Variants in MAP4K3 observed in about 807,000 individuals in gnomAD.
MAP4K3 encodes mitogen-activated protein kinase kinase kinase kinase 3, also known as MAPK/ERK kinase kinase kinase 3.
In MAP4K3, 94 loss-of-function variants were observed where a neutral mutation model predicts 143.5. That is an observed-to-expected ratio of 0.65 (90% CI 0.55 to 0.78). The LOEUF is 0.78. MAP4K3 is among the 30% of genes least tolerant of loss of function. The probability of loss-of-function intolerance (pLI) is 0.00; values close to 1 mark genes in which losing one functional copy is unlikely to be tolerated. For missense variants in MAP4K3, 1,077 were observed against 1,068.1 expected (o/e 1.01, Z -0.12); for synonymous variants, 416 against 347.2 (o/e 1.20, Z -2.20).
At chr2:39,392,058 G>A (rs180992328) in intron 1 of MAP4K3, among the ~76,000 whole-genome samples, 16 of 151,696 alleles carry the variant, frequency 1.1e-4, no homozygotes, top group East Asian at 3.9e-4. Context: ...GGTAGCGCGC[G>A]CCTGTAGTCC....
At position 39,253,171 on chromosome 2, in the gene MAP4K3, C is replaced by T. The variant is rs1032774652; in HGVS notation, c.2541+1279G>A. Among the ~76,000 whole-genome samples the T allele has an allele frequency of 2.0e-5, 3 of 152,100 alleles. No individual in the cohort carries two copies. In the South Asian group the frequency reaches 6.2e-4, roughly 32 times the overall value. ...GGAGGGGGACGGAGTCTTGTTCTGTCGCCAGGCTGGAGTACAGTGACGCGA... is the reference window on the plus strand; with the variant it reads ...GGAGGGGGACGGAGTCTTGTTCTGTTGCCAGGCTGGAGTACAGTGACGCGA... On this transcript the variant is annotated intron_variant, in intron 32 of 33. Coordinates refer to ENST00000263881, the MANE Select transcript of MAP4K3 (RefSeq NM_003618.4).
At chr2:39,402,548 G>A (rs1044265332) in intron 1 of MAP4K3, among the ~76,000 whole-genome samples, 1 of 151,904 alleles carries the variant, frequency 6.6e-6, no homozygotes, top group Non-Finnish European at 1.5e-5. Flanking sequence ...AAAAAGAAAG[G>A]AAACAGGAAA....
chr2:39,351,598 T>C (rs547138751), intron 3 of MAP4K3, among the ~76,000 whole-genome samples: 1 of 152,360 alleles, frequency 6.6e-6, no homozygotes, highest in East Asian at 1.9e-4. Flanking sequence ...ATGGTGGTGA[T>C]TTACTTATTT....
chr2:39,414,689 C>T (rs993958764), intron 1 of MAP4K3, among the ~76,000 whole-genome samples: 6 of 152,120 alleles, frequency 3.9e-5, no homozygotes, highest in Non-Finnish European at 5.9e-5. Context: ...TCCTGGCTAA[C>T]ACGGTGAAAC....
At chr2:39,395,171 TG>T (rs1666770998) in intron 1 of MAP4K3, among the ~76,000 whole-genome samples, 1 of 152,144 alleles carries the variant, frequency 6.6e-6, no homozygotes, top group Non-Finnish European at 1.5e-5. Flanking sequence ...CAACACATAA[TG>T]AAGTACTAAT....
intron 12 of MAP4K3, among the ~76,000 whole-genome samples, chr2:39,316,569 T>G (rs953645504): frequency 6.6e-6 from 1 of 152,072 alleles, no homozygotes; most frequent in Admixed American, 6.6e-5. Context: ...AATGAAATAT[T>G]TCATGTAAAA....
chr2:39,423,917 A>G (rs1196655434), intron 1 of MAP4K3, among the ~76,000 whole-genome samples: 4 of 152,354 alleles, frequency 2.6e-5, no homozygotes, highest in South Asian at 2.1e-4. Flanking sequence ...ACTTTAATTA[A>G]CATAATAATA....
At chr2:39,350,611 G>C (rs1340420932) in intron 3 of MAP4K3, among the ~76,000 whole-genome samples, 1 of 152,026 alleles carries the variant, frequency 6.6e-6, no homozygotes, top group Non-Finnish European at 1.5e-5. Context: ...TCTGGCTCTA[G>C]AAAAAATTTT....
At chr2:39,299,653 C>T in intron 16 of MAP4K3, 90 bp downstream of exon 16, 2 of 622,896 alleles carry the variant, frequency 3.2e-6, no homozygotes, top group South Asian at 8.0e-5. Context: ...CAGCCTAATA[C>T]AATTTTCTAC....
At chr2:39,377,924 G>A in intron 2 of MAP4K3, 142 bp downstream of exon 2, 1 of 623,724 alleles carries the variant, frequency 1.6e-6, no homozygotes, top group Non-Finnish European at 2.8e-6. Flanking sequence ...TTGAAGAAGT[G>A]GAGGAAAGGG....
At chr2:39,309,339 G>C in intron 14 of MAP4K3, 122 bp downstream of exon 14, 1 of 674,526 alleles carries the variant, frequency 1.5e-6, no homozygotes, top group Non-Finnish European at 2.5e-6. Context: ...TGACCAGGCT[G>C]GGACCTCGAA....
chr2:39,275,613 C>A (rs1233617561), intron 24 of MAP4K3, among the ~76,000 whole-genome samples: 4 of 152,096 alleles, frequency 2.6e-5, no homozygotes, highest in Non-Finnish European at 2.9e-5. Context: ...TCTCATTATA[C>A]CCAATAAAAA....
chr2:39,307,328 G>A (rs1371923097), intron 15 of MAP4K3, among the ~76,000 whole-genome samples: 2 of 151,816 alleles, frequency 1.3e-5, no homozygotes, highest in East Asian at 3.8e-4. Flanking sequence ...CTTATGTAAT[G>A]GTAAGACAGT....
At chr2:39,367,392 A>C (rs1665951520) in intron 2 of MAP4K3, among the ~76,000 whole-genome samples, 1 of 151,974 alleles carries the variant, frequency 6.6e-6, no homozygotes, top group Non-Finnish European at 1.5e-5. Flanking sequence ...AATTAAAAAT[A>C]AGCTGGGTAT....
At chr2:39,405,470 T>G (rs1167742260) in intron 1 of MAP4K3, among the ~76,000 whole-genome samples, 1 of 152,178 alleles carries the variant, frequency 6.6e-6, no homozygotes, top group African/African-American at 2.4e-5. Context: ...AAGCCCAGAC[T>G]AGAAAGACTA....
At chr2:39,376,806 C>T (rs1666229905) in intron 2 of MAP4K3, among the ~76,000 whole-genome samples, 1 of 152,200 alleles carries the variant, frequency 6.6e-6, no homozygotes, top group African/African-American at 2.4e-5. Context: ...AACACAGTCA[C>T]TGCTTAATGA....
intron 1 of MAP4K3, among the ~76,000 whole-genome samples, chr2:39,383,165 T>C (rs578046101): frequency 2.0e-5 from 3 of 152,214 alleles, no homozygotes; most frequent in South Asian, 4.1e-4. Context: ...CTCATGCTGC[T>C]TTAAGGAATT....
In MAP4K3 at chr2:39,265,374, C is replaced by CA. The variant is rs988426081; in HGVS notation, c.2033-69dup. On this transcript the variant is annotated intron_variant, in intron 27 of 33. Transcript: ENST00000263881. ...GTCATTATGACAATAATTGCATGCT[C>CA]AAAAAAACAAACAAAACTAAACAAA... 266 of 945,786 alleles carry CA rather than the reference C, an allele frequency of 2.8e-4. 1 individual carries two copies. Among genetic ancestry groups the CA allele is most frequent in the Admixed American group, 2.0e-3 (101 of 49,634 alleles). 58.6% of individuals were successfully genotyped at this position (945,786 alleles called of 1,614,324 possible).
In MAP4K3 at chr2:39,437,010, C is replaced by A; in HGVS notation, c.-23G>T. Reference sequence around the variant, plus strand: ...CATGGCGGGCCCCAGGTGCCCCCCGCCTCCCTCCCGGGCAGGGGAGGGGGG... The same window carrying A: ...CATGGCGGGCCCCAGGTGCCCCCCGACTCCCTCCCGGGCAGGGGAGGGGGG... On this transcript the variant is annotated 5_prime_UTR_variant, in exon 1 of 34. Transcript: ENST00000263881. 1 of 1,600,652 alleles carries A rather than the reference C, an allele frequency of 6.2e-7. No individual in the cohort carries two copies. Among genetic ancestry groups the A allele is most frequent in the Non-Finnish European group, 8.5e-7 (1 of 1,172,458 alleles).
Sources: allele counts gnomAD v4.1 joint callset (sites outside exome capture counted in the v4.1 genomes callset), GRCh38; gene constraint gnomAD v4.1.1; transcripts MANE v1.5; gene names NCBI Gene and HGNC (gene_info 2026-07-23, HGNC 2026-07-21).